Variants in FARP1 observed in about 807,000 individuals in gnomAD.
FARP1 encodes the protein FERM, ARHGEF and pleckstrin domain-containing protein 1.
FARP1 carries 52 observed loss-of-function variants against 128.8 expected under a neutral mutation model. The observed-to-expected ratio is 0.40, with a 90% CI of 0.32 to 0.51. The LOEUF (loss-of-function observed/expected upper bound fraction) is 0.51, where lower values mean the gene tolerates loss of function less well. Ranked by LOEUF, FARP1 falls within the 20% of genes least tolerant of loss-of-function variation. The pLI is 0.45. For missense variants in FARP1, 1,333 were observed against 1,367.9 expected (o/e 0.97, Z 0.40); for synonymous variants, 580 against 551.8 (o/e 1.05, Z -0.72).
intron 2 of FARP1, among the ~76,000 whole-genome samples, chr13:98,279,214 A>T (rs1269015264): frequency 6.6e-6 from 1 of 152,210 alleles, no homozygotes; most frequent in Non-Finnish European, 1.5e-5. Context: ...AAAATTGCTC[A>T]TGAAATGTGC....
intron 16 of FARP1, among the ~76,000 whole-genome samples, chr13:98,412,463 C>T (rs1474055538): frequency 6.6e-6 from 1 of 152,194 alleles, no homozygotes; most frequent in Admixed American, 6.5e-5. Flanking sequence ...TTAAAACATG[C>T]TTTGAAAAAG....
chr13:98,177,787 A>G (rs1233286353), intron 1 of FARP1: 1 of 152,150 alleles, frequency 6.6e-6, no homozygotes, highest in Non-Finnish European at 1.5e-5. Context: ...TCATTTTTCA[A>G]CAGATTCCTA....
Position 98,393,721 on chromosome 13 carries a change from C to T in FARP1, c.1164+3C>T. 4 of 1,610,562 alleles carry T rather than the reference C, an allele frequency of 2.5e-6. No individual in the cohort carries two copies. The highest frequency in any genetic ancestry group is 1.7e-4 in the Middle Eastern group (1 of 6,052). On this transcript the variant is annotated splice_donor_region_variant and intron_variant, in intron 12 of 26. Transcript: ENST00000319562. ...TGAATTCGGAAGTGCTGGAGCAGGT[C>T]AGTGATGGCGCTGTCCTATGATAAC...
intron 2 of FARP1, among the ~76,000 whole-genome samples, chr13:98,318,920 G>T (rs2772351): frequency 8.7e-5 from 13 of 148,980 alleles, no homozygotes; most frequent in South Asian, 2.1e-4. Flanking sequence ...ATATGTACCT[G>T]TTGCTTCCTT....
chr13:98,181,349 A>G (rs1287701282), intron 1 of FARP1, among the ~76,000 whole-genome samples: 1 of 152,168 alleles, frequency 6.6e-6, no homozygotes, highest in Non-Finnish European at 1.5e-5. Context: ...ATCCCCTGCA[A>G]AGTGGGGTAT....
At chr13:98,372,088 T>TC (rs796991268) in intron 5 of FARP1, among the ~76,000 whole-genome samples, 7 of 141,792 alleles carry the variant, frequency 4.9e-5, no homozygotes, top group Non-Finnish European at 6.2e-5. Flanking sequence ...TTTCTTTTTT[T>TC]TTTTTTTTTT....
At chr13:98,148,828 T>C (rs1042882275) in intron 1 of FARP1, among the ~76,000 whole-genome samples, 2 of 152,214 alleles carry the variant, frequency 1.3e-5, no homozygotes, top group African/African-American at 4.8e-5. Flanking sequence ...CTGGCTACTT[T>C]TAAGATGCTT....
At chr13:98,187,923 G>A (rs1195157219) in intron 1 of FARP1, among the ~76,000 whole-genome samples, 4 of 152,172 alleles carry the variant, frequency 2.6e-5, no homozygotes, top group African/African-American at 9.7e-5. Flanking sequence ...ACCCTCTTTG[G>A]GGAGTCAGTC....
rs963226421 is a variant in FARP1 at position 98,190,172 on chromosome 13, ACTT to A, written c.-23-23044_-23-23042del. Reference sequence around the variant, plus strand: ...TGGTGGTGGGATTAAAGAGATCCCCACTTCTTTGTCATTTCCTTTAAAAATATT... The same window carrying A: ...TGGTGGTGGGATTAAAGAGATCCCCACTTTGTCATTTCCTTTAAAAATATT... On this transcript the variant is annotated intron_variant, in intron 1 of 26. Transcript: ENST00000319562. Among the ~76,000 whole-genome samples, 8 of 152,200 alleles carry A rather than the reference ACTT, an allele frequency of 5.3e-5. 1 individual carries two copies. The highest frequency in any genetic ancestry group is 3.9e-4 in the East Asian group (2 of 5,184).
chr13:98,448,473 C>A lies in FARP1; in HGVS notation c.*156C>A. 3.2e-6 allele frequency: 2 copies of A among 631,444 alleles called. No homozygotes were observed. The highest frequency in any genetic ancestry group is 5.7e-6 in the Non-Finnish European group (2 of 353,234). The allele number at this position is 631,444 out of a possible 1,614,324, so 39.1% of individuals were successfully genotyped here. A position where few individuals can be genotyped will look rare whatever the true frequency, so the allele number is the denominator to read the frequency against. On this transcript the variant is annotated 3_prime_UTR_variant, in exon 27 of 27. Transcript: ENST00000319562. The stretch of plus-strand genomic sequence containing the variant: ...TCTCCACAGCCGCGTTTTTTAACCC[C>A]GACCTCTCAGCGTCTGAATGAACAG...
At chr13:98,392,834 G>GTT (rs11414488) in intron 11 of FARP1, among the ~76,000 whole-genome samples, 162 of 149,212 alleles carry the variant, frequency 1.1e-3, no homozygotes, top group African/African-American at 2.5e-3. Flanking sequence ...TTTTCAGGAG[G>GTT]TTTTTTTTTT....
chr13:98,235,608 A>C (rs1882365872), intron 2 of FARP1, among the ~76,000 whole-genome samples: 1 of 152,094 alleles, frequency 6.6e-6, no homozygotes, highest in African/African-American at 2.4e-5. Flanking sequence ...TCACCATCTT[A>C]ATCATTTTTA....
chr13:98,375,554 C>T (rs1173660542), intron 5 of FARP1, among the ~76,000 whole-genome samples: 1 of 152,152 alleles, frequency 6.6e-6, no homozygotes, highest in African/African-American at 2.4e-5. Flanking sequence ...CTTTGATCTG[C>T]CTGGAATCTA....
intron 24 of FARP1, 179 bp from the exon 25 acceptor site, chr13:98,445,914 AGTGAT>A: frequency 1.8e-6 from 1 of 547,636 alleles, no homozygotes. Flanking sequence ...GACAAGGGGA[AGTGAT>A]GAGATCAGGG....
At chr13:98,291,571 C>T (rs570736712) in intron 2 of FARP1, among the ~76,000 whole-genome samples, 19 of 152,294 alleles carry the variant, frequency 1.2e-4, no homozygotes, top group African/African-American at 4.6e-4. Context: ...TGCAAAGGAA[C>T]TATCATGAGG....
At chr13:98,321,324 T>C (rs1886983262) in intron 2 of FARP1, among the ~76,000 whole-genome samples, 1 of 152,210 alleles carries the variant, frequency 6.6e-6, no homozygotes, top group African/African-American at 2.4e-5. Flanking sequence ...AGTTAACTTG[T>C]TGAAAGTCTT....
Position 98,446,827 on chromosome 13 carries a change from C to T in FARP1, c.3056+10C>T, listed in dbSNP as rs374256110. 1 of 1,613,712 alleles carries T rather than the reference C, an allele frequency of 6.2e-7. No homozygotes were observed. The highest frequency in any genetic ancestry group is 1.3e-5 in the African/African-American group (1 of 74,904). On this transcript the variant is annotated intron_variant, in intron 26 of 26. Transcript: ENST00000319562. ...AGTACACGTTCGAAAGGTAGACACC[C>T]CCTTCCCACGCACAGGGCCCTGCAG... is the stretch of plus-strand genomic sequence containing the variant.
chr13:98,252,083 A>C (rs1566795706), intron 2 of FARP1, among the ~76,000 whole-genome samples: 1 of 152,178 alleles, frequency 6.6e-6, no homozygotes, highest in Non-Finnish European at 1.5e-5. Flanking sequence ...CCTGACTTCA[A>C]GTGATCTGCC....
In FARP1 at chr13:98,409,384, G is replaced by A. The variant is rs758405319; in HGVS notation, c.1461G>A (p.Ser487=). ...SPHLSELSVN[S]QGGVAPANVT... ...ACCTTTCCGAGCTGTCTGTGAACTC[G>A]CAGGGGGGAGTGGCCCCTGCCAACG... The change falls in exon 14 of 27, where the codon TCG becomes TCA. Residue 487 remains serine, a synonymous_variant. Coordinates refer to ENST00000319562, the MANE Select transcript of FARP1 (RefSeq NM_005766.4). The A allele has an allele frequency of 5.6e-6, 9 of 1,613,568 alleles. 1 individual carries two copies. The South Asian group carries it at 6.6e-5, about 12-fold the overall frequency.
Sources: allele counts gnomAD v4.1 joint callset (sites outside exome capture counted in the v4.1 genomes callset), GRCh38; gene constraint gnomAD v4.1.1; transcripts MANE v1.5; gene names NCBI Gene and HGNC (gene_info 2026-07-23, HGNC 2026-07-21).